PATJ: variants seen among roughly 807,000 people sequenced by gnomAD.
PATJ encodes the protein PATJ crumbs cell polarity complex component.
In PATJ, 190 loss-of-function variants were observed where a neutral mutation model predicts 224.9. That is an observed-to-expected ratio of 0.84 (90% confidence interval 0.75 to 0.95). The LOEUF (loss-of-function observed/expected upper bound fraction) is 0.95, where lower values mean the gene tolerates loss of function less well. Ranked by LOEUF, PATJ falls within the 40% of genes least tolerant of loss-of-function variation. The probability of loss-of-function intolerance (pLI) is 0.00; values close to 1 mark genes in which losing one functional copy is unlikely to be tolerated. For missense variants in PATJ, 2,121 were observed against 2,270.3 expected, an observed-to-expected ratio of 0.93 and a Z score of 1.34; for synonymous variants, 769 against 820.3, an observed-to-expected ratio of 0.94 and a Z score of 1.07.
In PATJ at chr1:61,974,798, A is replaced by C. The variant is rs568129618; in HGVS notation, c.3671-15370A>C. On this transcript the variant is annotated intron_variant, in intron 27 of 43. Transcript: ENST00000642238. ...CTCAGTTACAAAACTGGCTTAATTCATGAGGAGTTTTGGATGATATTGTTT... is the reference window on the plus strand; with the variant it reads ...CTCAGTTACAAAACTGGCTTAATTCCTGAGGAGTTTTGGATGATATTGTTT... 2.7e-4 allele frequency among the ~76,000 whole-genome samples: 41 copies of C among 152,186 alleles called. No individual in the cohort carries two copies. In the South Asian group the frequency reaches 8.5e-3, roughly 32 times the overall value.
At chr1:61,941,896 A>G (rs1249308594) in intron 27 of PATJ, among the ~76,000 whole-genome samples, 1 of 152,228 alleles carries the variant, frequency 6.6e-6, no homozygotes, top group Non-Finnish European at 1.5e-5. Flanking sequence ...AAGTTACTTC[A>G]AGAATGCTAC....
intron 16 of PATJ, chr1:61,833,268 C>T (rs921783081): frequency 6.5e-6 from 1 of 153,044 alleles, no homozygotes; most frequent in Non-Finnish European, 1.5e-5. Context: ...GGTATTGCTA[C>T]TTACGTATCT....
chr1:61,835,942 T>G (rs1035147143), intron 17 of PATJ, among the ~76,000 whole-genome samples: 3 of 152,210 alleles, frequency 2.0e-5, no homozygotes, highest in African/African-American at 7.2e-5. Context: ...CTATATATAT[T>G]TGCATTCTTA....
chr1:62,105,909 G>GT (rs1662853453), intron 33 of PATJ, among the ~76,000 whole-genome samples: 1 of 149,152 alleles, frequency 6.7e-6, no homozygotes, highest in African/African-American at 2.5e-5. Context: ...CCCTTTTTTT[G>GT]TTTTTCTGTT....
chr1:62,006,088 ATTTCT>A (rs1646075544), intron 28 of PATJ, among the ~76,000 whole-genome samples: 1 of 150,942 alleles, frequency 6.6e-6, no homozygotes, highest in Non-Finnish European at 1.5e-5. Context: ...TTCAGTATAC[ATTTCT>A]TTTCTTTTTT....
chr1:61,959,301 T>A (rs192248553), intron 27 of PATJ, among the ~76,000 whole-genome samples: 73 of 151,642 alleles, frequency 4.8e-4, no homozygotes, highest in African/African-American at 1.5e-3. Flanking sequence ...CAAAAATTGG[T>A]TAAGCTACAA....
At chr1:62,071,691 A>G (rs772170452) in intron 31 of PATJ, among the ~76,000 whole-genome samples, 28 of 152,212 alleles carry the variant, frequency 1.8e-4, no homozygotes, top group Admixed American at 1.3e-3. Flanking sequence ...CATATTGGCC[A>G]GGCTGGTCTC....
chr1:62,080,027 C>CAA (rs201375578), intron 32 of PATJ, among the ~76,000 whole-genome samples: 7 of 89,196 alleles, frequency 7.8e-5, no homozygotes, highest in South Asian at 3.5e-4. Context: ...GACTCTGTCT[C>CAA]AAAAAAAAAA....
At chr1:61,842,681 T>A (rs1197993515) in intron 17 of PATJ, among the ~76,000 whole-genome samples, 1 of 151,424 alleles carries the variant, frequency 6.6e-6, no homozygotes, top group Non-Finnish European at 1.5e-5. Flanking sequence ...TCCTGCAAAG[T>A]GCTCAAGATA....
chr1:62,060,371 T>G (rs576815919), intron 31 of PATJ, among the ~76,000 whole-genome samples: 2 of 152,124 alleles, frequency 1.3e-5, no homozygotes, highest in Non-Finnish European at 2.9e-5. Context: ...TATTTTATTT[T>G]TTATTTATTT....
intron 27 of PATJ, among the ~76,000 whole-genome samples, chr1:61,981,121 A>G (rs1484363367): frequency 6.6e-6 from 1 of 152,052 alleles, no homozygotes. Flanking sequence ...GGAGACAGAG[A>G]TAGTGTCCAT....
intron 26 of PATJ, among the ~76,000 whole-genome samples, chr1:61,922,883 G>C (rs112788261): frequency 0.013 from 1,939 of 152,312 alleles, 25 homozygotes; most frequent in Middle Eastern, 0.041. Flanking sequence ...ACTCTGTGGG[G>C]ACACAGACAA....
At chr1:62,016,580 TAA>T (rs1439631512) in intron 28 of PATJ, among the ~76,000 whole-genome samples, 1 of 152,138 alleles carries the variant, frequency 6.6e-6, no homozygotes, top group Non-Finnish European at 1.5e-5. Context: ...TGAAATAAAA[TAA>T]GAGAGTTTCC....
At chr1:62,113,899 C>A (rs752635320) in intron 34 of PATJ, among the ~76,000 whole-genome samples, 154 bp from the exon 35 acceptor site, 12 of 152,174 alleles carry the variant, frequency 7.9e-5, no homozygotes, top group Non-Finnish European at 1.6e-4. Flanking sequence ...ATATTCAAAG[C>A]AGCTCATACT....
chr1:62,008,124 T>C (rs1471165780), intron 28 of PATJ, among the ~76,000 whole-genome samples: 2 of 152,180 alleles, frequency 1.3e-5, no homozygotes, highest in Non-Finnish European at 2.9e-5. Context: ...CTAGCTGTTG[T>C]CTCAGCTCCA....
At chr1:62,030,699 A>G (rs1039182709) in intron 29 of PATJ, among the ~76,000 whole-genome samples, 1 of 152,168 alleles carries the variant, frequency 6.6e-6, no homozygotes, top group Non-Finnish European at 1.5e-5. Context: ...CCCAAGAGCC[A>G]CCTGCTTCCT....
At chr1:62,153,185 CATG>C (rs1189336552) in intron 42 of PATJ, among the ~76,000 whole-genome samples, 170 bp from the exon 43 acceptor site, 1 of 152,162 alleles carries the variant, frequency 6.6e-6, no homozygotes, top group Non-Finnish European at 1.5e-5. Context: ...ATTAGCATGA[CATG>C]AGAAGTTAGA....
At chr1:61,869,272 A>C (rs1421187409) in intron 20 of PATJ, among the ~76,000 whole-genome samples, 1 of 150,750 alleles carries the variant, frequency 6.6e-6, no homozygotes, top group Non-Finnish European at 1.5e-5. Flanking sequence ...ACGCCCGGCT[A>C]ATTTTTTGTA....
intron 41 of PATJ, among the ~76,000 whole-genome samples, chr1:62,132,839 G>C (rs1248889955): frequency 1.3e-5 from 2 of 152,012 alleles, no homozygotes; most frequent in Non-Finnish European, 2.9e-5. Context: ...GGGGGGCAGA[G>C]GTTGCAGTGA....
Sources: gnomAD v4.1 joint callset for allele counts (sites outside exome capture counted in the v4.1 genomes callset) on GRCh38, gnomAD v4.1.1 for gene constraint, MANE v1.5 for transcripts, NCBI Gene and HGNC (gene_info 2026-07-23, HGNC 2026-07-21) for gene names.